Variants in TENM3 observed in about 807,000 individuals in gnomAD.
TENM3 encodes teneurin transmembrane protein 3, also known as teneurin-3.
TENM3 carries 63 observed loss-of-function variants against 255.1 expected under a neutral mutation model. That is an observed-to-expected ratio of 0.25 (90% CI 0.20 to 0.30). TENM3 has a LOEUF of 0.30. TENM3 is among the 10% of genes least tolerant of loss of function. TENM3 has a pLI of 1.00. For missense variants in TENM3, 2,929 were observed against 3,461.1 expected (o/e 0.85, Z 3.86); for synonymous variants, 1,306 against 1,322.3 (o/e 0.99, Z 0.27).
intron 24 of TENM3, among the ~76,000 whole-genome samples, chr4:182,777,125 C>T (rs926304441): frequency 1.3e-5 from 2 of 152,070 alleles, no homozygotes; most frequent in Admixed American, 1.3e-4. Context: ...AAGGGGAAGA[C>T]CTGAGCCCAC....
chr4:182,362,038 C>T (rs868574485), intron 3 of TENM3, among the ~76,000 whole-genome samples: 22 of 152,250 alleles, frequency 1.4e-4, no homozygotes, highest in African/African-American at 4.8e-4. Flanking sequence ...AGTGGTTTTT[C>T]GTGAACCGCG....
intron 3 of TENM3, among the ~76,000 whole-genome samples, chr4:182,515,995 T>C (rs965109099): frequency 6.6e-6 from 1 of 152,176 alleles, no homozygotes; most frequent in Non-Finnish European, 1.5e-5. Context: ...CAGCAAAAAG[T>C]TTATTGTTGA....
At position 182,508,610 on chromosome 4, in the gene TENM3, A is replaced by G. The variant is rs547063299; in HGVS notation, c.512-92314A>G. ...GAATGGGGTCCCTTTCTTCTGATAG[A>G]TGCATATTAGTATATTCTGATATAA... On this transcript the variant is annotated intron_variant, in intron 3 of 27. Transcript: ENST00000511685. Among the ~76,000 whole-genome samples the G allele has an allele frequency of 8.5e-4, 129 of 152,342 alleles. 2 individuals are homozygous for G. The South Asian group carries it at 0.027, about 32-fold the overall frequency.
chr4:182,057,934 C>T, the TENM3 span, among the ~76,000 whole-genome samples: 1 of 151,920 alleles, frequency 6.6e-6, no homozygotes, highest in Non-Finnish European at 1.5e-5. Context: ...TAGAGCAAAT[C>T]AATAGCATTT....
At chr4:182,619,369 T>G (rs1561012067) in intron 4 of TENM3, among the ~76,000 whole-genome samples, 1 of 151,392 alleles carries the variant, frequency 6.6e-6, no homozygotes. Context: ...AGGCAGTGGT[T>G]GCGGTGAGCC....
the TENM3 span, among the ~76,000 whole-genome samples, chr4:182,069,075 A>T: frequency 3.0e-4 from 45 of 152,314 alleles, no homozygotes; most frequent in Non-Finnish European, 5.3e-4. Context: ...TCAGTGCAAG[A>T]AAAAGAAAAA....
chr4:182,555,491 G>A (rs1246404158), intron 3 of TENM3, among the ~76,000 whole-genome samples: 2 of 151,810 alleles, frequency 1.3e-5, no homozygotes, highest in Admixed American at 1.3e-4. Flanking sequence ...GTATGGTTTG[G>A]GGCTTAAACA....
At chr4:181,780,654 G>A in the TENM3 span, among the ~76,000 whole-genome samples, 1 of 152,140 alleles carries the variant, frequency 6.6e-6, no homozygotes, top group Non-Finnish European at 1.5e-5. Flanking sequence ...GATCCCATTT[G>A]TCAATTTTGG....
chr4:182,428,095 G>C (rs376674146), intron 3 of TENM3, among the ~76,000 whole-genome samples: 1 of 152,104 alleles, frequency 6.6e-6, no homozygotes, highest in East Asian at 1.9e-4. Flanking sequence ...TATAAGTTCA[G>C]TTTTGTGAGT....
chr4:181,619,170 C>T, the TENM3 span, among the ~76,000 whole-genome samples: 2 of 152,112 alleles, frequency 1.3e-5, no homozygotes, highest in African/African-American at 2.4e-5. Context: ...ACAGCTTCCT[C>T]GGAGTGGCCG....
chr4:181,472,053 A>G, the TENM3 span, among the ~76,000 whole-genome samples: 1 of 152,054 alleles, frequency 6.6e-6, no homozygotes, highest in Admixed American at 6.6e-5. Context: ...CCTGGGAGAA[A>G]GGAGAGAGAA....
intron 1 of TENM3, among the ~76,000 whole-genome samples, chr4:182,280,228 C>T (rs1277935313): frequency 2.0e-5 from 3 of 152,164 alleles, no homozygotes; most frequent in Non-Finnish European, 2.9e-5. Flanking sequence ...CTCTCAGTTT[C>T]CCCCACGGGG....
chr4:182,464,724 A>G (rs1192920966), intron 3 of TENM3, among the ~76,000 whole-genome samples: 1 of 152,216 alleles, frequency 6.6e-6, no homozygotes, highest in Admixed American at 6.5e-5. Flanking sequence ...ATGGAAAGAG[A>G]TGATATCAGA....
At chr4:182,658,715 T>G (rs1753968132) in intron 6 of TENM3, among the ~76,000 whole-genome samples, 1 of 152,218 alleles carries the variant, frequency 6.6e-6, no homozygotes, top group Non-Finnish European at 1.5e-5. Flanking sequence ...CAGGTACTTC[T>G]TGCGTTCTTA....
intron 27 of TENM3, among the ~76,000 whole-genome samples, chr4:182,797,196 T>C (rs936953483): frequency 2.6e-5 from 4 of 152,272 alleles, no homozygotes; most frequent in South Asian, 2.1e-4. Flanking sequence ...TCCCAGCACT[T>C]TGGGAGGCCG....
chr4:182,379,953 TCAA>T (rs376801266), intron 3 of TENM3, among the ~76,000 whole-genome samples: 3 of 151,952 alleles, frequency 2.0e-5, no homozygotes, highest in South Asian at 4.2e-4. Context: ...GCTAGCTATT[TCAA>T]CAACAACAAC....
At chr4:182,735,167 T>TAA (rs1427817319) in intron 16 of TENM3, among the ~76,000 whole-genome samples, 1 of 152,198 alleles carries the variant, frequency 6.6e-6, no homozygotes, top group Non-Finnish European at 1.5e-5. Context: ...AAAGTTTCTA[T>TAA]ATGTTTGTAA....
chr4:181,676,815 C>T, the TENM3 span, among the ~76,000 whole-genome samples: 1 of 152,078 alleles, frequency 6.6e-6, no homozygotes, highest in Non-Finnish European at 1.5e-5. Flanking sequence ...AAATGATTCA[C>T]TTTGATAACT....
intron 13 of TENM3, among the ~76,000 whole-genome samples, chr4:182,719,709 GA>G (rs2152690357): frequency 6.6e-6 from 1 of 152,180 alleles, no homozygotes. Flanking sequence ...AAATAAGAAA[GA>G]TAGAAATAAG....
Sources: allele counts gnomAD v4.1 joint callset (sites outside exome capture counted in the v4.1 genomes callset), GRCh38; gene constraint gnomAD v4.1.1; transcripts MANE v1.5; gene names NCBI Gene and HGNC (gene_info 2026-07-23, HGNC 2026-07-21).